SGCZ: variants seen among roughly 807,000 people sequenced by gnomAD.
SGCZ encodes the protein sarcoglycan zeta.
A neutral mutation model predicts 41.3 loss-of-function variants in SGCZ; 40 were observed. The ratio of observed to expected loss-of-function variants is 0.97; its 90% CI spans 0.75 to 1.26. The LOEUF is 1.26. Ranked by LOEUF, SGCZ falls within the 50% of genes most tolerant of loss-of-function variation. The pLI is 0.00. For synonymous variants in SGCZ, 206 were observed against 137.5 expected (o/e 1.50, Z -3.49); for missense variants, 552 against 369.8 (o/e 1.49, Z -4.04).
At chr8:14,910,338 C>A (rs1799246475) in intron 1 of SGCZ, among the ~76,000 whole-genome samples, 1 of 151,994 alleles carries the variant, frequency 6.6e-6, no homozygotes, top group Non-Finnish European at 1.5e-5. Context: ...ACATCTCTCA[C>A]AGTACCATTT....
At chr8:14,458,501 G>T (rs1585542007) in intron 2 of SGCZ, among the ~76,000 whole-genome samples, 1 of 152,158 alleles carries the variant, frequency 6.6e-6, no homozygotes, top group Admixed American at 6.5e-5. Context: ...TCTCAATAGT[G>T]AGGAAAGAAA....
At chr8:14,300,093 T>C (rs907325117) in intron 3 of SGCZ, among the ~76,000 whole-genome samples, 6 of 152,018 alleles carry the variant, frequency 3.9e-5, no homozygotes, top group African/African-American at 1.4e-4. Flanking sequence ...GGGTGAGACC[T>C]GCCTGAAGTG....
intron 1 of SGCZ, among the ~76,000 whole-genome samples, chr8:14,621,854 A>T (rs759500725): frequency 6.6e-6 from 1 of 152,028 alleles, no homozygotes; most frequent in Non-Finnish European, 1.5e-5. Flanking sequence ...AATCATATAG[A>T]CTTCTGTCTA....
chr8:14,352,894 C>T (rs28400326), intron 2 of SGCZ, among the ~76,000 whole-genome samples: 4,132 of 152,074 alleles, frequency 0.027, 156 homozygotes, highest in African/African-American at 0.093. Flanking sequence ...TAATTTTCTC[C>T]CTACCCTAAT....
At chr8:14,347,875 C>A (rs1372246873) in intron 2 of SGCZ, among the ~76,000 whole-genome samples, 1 of 152,030 alleles carries the variant, frequency 6.6e-6, no homozygotes, top group Non-Finnish European at 1.5e-5. Flanking sequence ...CAGGTTGTAA[C>A]CAAGTGCCTC....
intron 2 of SGCZ, among the ~76,000 whole-genome samples, chr8:14,417,664 G>A (rs1799531342): frequency 1.3e-5 from 2 of 151,732 alleles, no homozygotes; most frequent in South Asian, 4.2e-4. Context: ...GATGACTAGA[G>A]TTACTAATAA....
At chr8:14,275,170 G>A (rs185345551) in intron 3 of SGCZ, among the ~76,000 whole-genome samples, 1 of 152,164 alleles carries the variant, frequency 6.6e-6, no homozygotes, top group East Asian at 1.9e-4. Context: ...GTCAAATTTA[G>A]GTTAAGTAAC....
In SGCZ at chr8:14,115,523, T is replaced by G. The variant is rs116684197; in HGVS notation, c.548-7288A>C. Among the ~76,000 whole-genome samples, 814 of 152,106 alleles carry G rather than the reference T, an allele frequency of 5.4e-3. 10 individuals are homozygous for G. Among genetic ancestry groups the G allele is most frequent in the African/African-American group, 0.018 (762 of 41,544 alleles). On this transcript the variant is annotated intron_variant, in intron 5 of 7. Transcript: ENST00000382080. ...AAATTATCTTTTTACCACCTTTACA[T>G]AAAGTCTAGATAAGCTTTCAACGTA...
intron 1 of SGCZ, among the ~76,000 whole-genome samples, chr8:14,648,812 C>A (rs187755005): frequency 3.3e-5 from 5 of 152,002 alleles, no homozygotes; most frequent in African/African-American, 4.8e-5. Context: ...CTCAATATTT[C>A]GAGTGATTAT....
chr8:14,476,957 C>T (rs990583212), intron 2 of SGCZ, among the ~76,000 whole-genome samples: 22 of 152,154 alleles, frequency 1.4e-4, no homozygotes, highest in Admixed American at 1.2e-3. Context: ...CAAAAGCAGG[C>T]TGTAACCATA....
chr8:14,430,603 A>G (rs1799917062), intron 2 of SGCZ, among the ~76,000 whole-genome samples: 1 of 152,150 alleles, frequency 6.6e-6, no homozygotes, highest in African/African-American at 2.4e-5. Flanking sequence ...GAATGGGGAA[A>G]AGTTGAAAAC....
chr8:14,997,819 G>T (rs987412323), intron 1 of SGCZ, among the ~76,000 whole-genome samples: 3 of 152,084 alleles, frequency 2.0e-5, no homozygotes, highest in African/African-American at 4.8e-5. Context: ...AATTAGGCAG[G>T]CCTGATGGCA....
At chr8:14,341,748 T>C (rs1368731464) in intron 2 of SGCZ, among the ~76,000 whole-genome samples, 2 of 152,316 alleles carry the variant, frequency 1.3e-5, no homozygotes, top group Non-Finnish European at 2.9e-5. Context: ...TCATGAGATC[T>C]GATGGGTTTA....
intron 1 of SGCZ, among the ~76,000 whole-genome samples, chr8:14,653,154 C>G (rs761718081): frequency 6.6e-6 from 1 of 151,988 alleles, no homozygotes; most frequent in African/African-American, 2.4e-5. Context: ...ACTGGTATCT[C>G]AGATCTGTTT....
chr8:14,856,550 G>A (rs913710517), intron 1 of SGCZ, among the ~76,000 whole-genome samples: 1 of 152,166 alleles, frequency 6.6e-6, no homozygotes, highest in Non-Finnish European at 1.5e-5. Context: ...GCTCTCTCAT[G>A]TTCCCTAATG....
At chr8:14,911,117 C>T (rs1488240032) in intron 1 of SGCZ, among the ~76,000 whole-genome samples, 1 of 152,034 alleles carries the variant, frequency 6.6e-6, no homozygotes. Flanking sequence ...TTTGACTCCT[C>T]TGACACATCT....
intron 1 of SGCZ, among the ~76,000 whole-genome samples, chr8:14,727,128 A>G (rs1346923149): frequency 2.0e-5 from 3 of 152,194 alleles, no homozygotes; most frequent in African/African-American, 7.2e-5. Context: ...AGAAAAACAA[A>G]TCAAATAATA....
intron 1 of SGCZ, among the ~76,000 whole-genome samples, chr8:14,817,469 A>T (rs535091893): frequency 7.0e-4 from 107 of 152,288 alleles, no homozygotes; most frequent in South Asian, 2.1e-3. Context: ...TTGCAACCTA[A>T]GCTGCTACAG....
At chr8:14,102,654 A>C (rs1187428209) in intron 6 of SGCZ, among the ~76,000 whole-genome samples, 155 bp from the exon 7 acceptor site, 2 of 152,226 alleles carry the variant, frequency 1.3e-5, no homozygotes, top group Non-Finnish European at 2.9e-5. Flanking sequence ...TTTTAGGCAA[A>C]GCCAGAATGA....
Sources: allele counts gnomAD v4.1 joint callset (sites outside exome capture counted in the v4.1 genomes callset), GRCh38; gene constraint gnomAD v4.1.1; transcripts MANE v1.5; gene names NCBI Gene and HGNC (gene_info 2026-07-23, HGNC 2026-07-21).